ZNF608: variants seen among roughly 807,000 people sequenced by gnomAD.
ZNF608 encodes renal carcinoma antigen NY-REN-36.
ZNF608 carries 12 observed loss-of-function variants against 109.0 expected under a neutral mutation model. The ratio of observed to expected loss-of-function variants is 0.11; its 90% CI spans 0.07 to 0.18. ZNF608 has a LOEUF of 0.18. Ranked by LOEUF, ZNF608 falls within the 10% of genes least tolerant of loss-of-function variation. The probability of loss-of-function intolerance (pLI) is 1.00; values close to 1 mark genes in which losing one functional copy is unlikely to be tolerated. For synonymous variants in ZNF608, 732 were observed against 717.4 expected, an observed-to-expected ratio of 1.02 and a Z score of -0.33; for missense variants, 1,707 against 1,879.3, an observed-to-expected ratio of 0.91 and a Z score of 1.70.
chr5:124,666,913 A>G (rs1751503606), intron 3 of ZNF608, among the ~76,000 whole-genome samples: 1 of 152,224 alleles, frequency 6.6e-6, no homozygotes, highest in South Asian at 2.1e-4. Context: ...AACACAAAAT[A>G]ATGAAAAAAT....
rs903113490 is a variant in ZNF608, at chr5:124,637,891, C to T, written c.*9G>A. On this transcript the variant is annotated 3_prime_UTR_variant, in exon 10 of 10. Transcript: ENST00000513986. ...TCCAGTCACATGACAATGTACATGT[C>T]CAATCTTGTTATTCTCTGCAAAAGA... is the stretch of plus-strand genomic sequence containing the variant. 5 of 1,611,244 alleles carry T rather than the reference C, an allele frequency of 3.1e-6. No individual in the cohort carries two copies. Among genetic ancestry groups the T allele is most frequent in the African/African-American group, 2.7e-5 (2 of 74,756 alleles).
In ZNF608 at chr5:124,639,354, G is replaced by T. The variant is rs1750132489; in HGVS notation, c.4451-140C>A. 5.8e-6 allele frequency: 4 copies of T among 691,388 alleles called. No individual in the cohort carries two copies. The Admixed American group carries it at 7.1e-5, about 12-fold the overall frequency. The allele number at this position is 691,388 out of a possible 1,614,324, so 42.8% of individuals were successfully genotyped here. ...ACACATGAACTGTTTCATGCAGCAA[G>T]GACACAGTACAAACCATTTGGTCTA... On this transcript the variant is annotated intron_variant, in intron 8 of 9. Coordinates refer to ENST00000513986, the MANE Select transcript of ZNF608 (RefSeq NM_020747.3).
At chr5:124,667,205 G>T (rs1251355973) in intron 3 of ZNF608, among the ~76,000 whole-genome samples, 1 of 152,178 alleles carries the variant, frequency 6.6e-6, no homozygotes, top group Non-Finnish European at 1.5e-5. Flanking sequence ...TTACATTAAA[G>T]AAATAAAGTT....
intron 3 of ZNF608, among the ~76,000 whole-genome samples, chr5:124,694,730 C>A (rs1752775419): frequency 6.7e-6 from 1 of 150,302 alleles, no homozygotes; most frequent in Admixed American, 6.7e-5. Context: ...CCTCCCCCAC[C>A]CCATGACAGG....
At chr5:124,698,216 G>A (rs1752924396) in intron 3 of ZNF608, among the ~76,000 whole-genome samples, 1 of 152,104 alleles carries the variant, frequency 6.6e-6, no homozygotes, top group South Asian at 2.1e-4. Flanking sequence ...TCTCCCAAAA[G>A]GAAAAAATTA....
intron 3 of ZNF608, among the ~76,000 whole-genome samples, chr5:124,669,024 C>G (rs1374603367): frequency 6.6e-6 from 1 of 152,068 alleles, no homozygotes; most frequent in Non-Finnish European, 1.5e-5. Context: ...CAGAAGACTA[C>G]CTATTGCAAA....
At chr5:124,723,893 A>G (rs1754035389) in intron 2 of ZNF608, among the ~76,000 whole-genome samples, 1 of 152,196 alleles carries the variant, frequency 6.6e-6, no homozygotes, top group Non-Finnish European at 1.5e-5. Context: ...CCAACAACTC[A>G]CTAGATAATC....
chr5:124,640,383 A>G (rs1202666999), intron 8 of ZNF608, among the ~76,000 whole-genome samples: 1 of 152,214 alleles, frequency 6.6e-6, no homozygotes, highest in East Asian at 1.9e-4. Context: ...ATAAGAAAGC[A>G]CACGAGGGCT....
intron 3 of ZNF608, among the ~76,000 whole-genome samples, chr5:124,670,020 T>C (rs1005947958): frequency 1.3e-5 from 2 of 152,212 alleles, no homozygotes; most frequent in East Asian, 3.8e-4. Flanking sequence ...CCTTTAGAAG[T>C]CACTAAGGAG....
intron 3 of ZNF608, among the ~76,000 whole-genome samples, chr5:124,690,407 T>C (rs963994513): frequency 3.3e-5 from 5 of 152,164 alleles, no homozygotes; most frequent in Non-Finnish European, 1.5e-5. Context: ...GATTCACCAA[T>C]TGTAACACAT....
At chr5:124,690,446 T>C (rs1341690432) in intron 3 of ZNF608, among the ~76,000 whole-genome samples, 2 of 152,226 alleles carry the variant, frequency 1.3e-5, no homozygotes, top group Admixed American at 1.3e-4. Context: ...ATGTTGATAA[T>C]GGATACGCTA....
chr5:124,695,288 C>T (rs1264452442), intron 3 of ZNF608, among the ~76,000 whole-genome samples: 1 of 152,094 alleles, frequency 6.6e-6, no homozygotes, highest in Non-Finnish European at 1.5e-5. Flanking sequence ...AGTACTGTAC[C>T]AACTCCATGC....
Position 124,644,247 on chromosome 5 carries a change from G to C in ZNF608, c.4120C>G (p.Pro1374Ala), listed in dbSNP as rs780616717. The C allele has an allele frequency of 1.2e-6, 2 of 1,605,452 alleles. No homozygotes were observed. Among genetic ancestry groups the C allele is most frequent in the Admixed American group, 1.7e-5 (1 of 59,894 alleles). ...AVSPVLMHSY[P>A]GAYLSPGFHY... The stretch of plus-strand genomic sequence containing the variant: ...AGTCAGAACCGACAACACGTACCAG[G>C]ATAACTGTGCATTAGGACGGGAGAA... The change falls in exon 6 of 10, where the codon CCT (proline) becomes GCT (alanine). Residue 1374 changes from proline (P) to alanine (A), a missense_variant. By Grantham distance (27) the Pro-to-Ala change is conservative. Transcript: ENST00000513986.
intron 3 of ZNF608, among the ~76,000 whole-genome samples, chr5:124,679,062 A>T (rs1327241569): frequency 6.6e-6 from 1 of 152,218 alleles, no homozygotes; most frequent in Non-Finnish European, 1.5e-5. Flanking sequence ...AAAACAAATT[A>T]GCAGCTTTGC....
At chr5:124,719,297 T>C (rs111906845) in intron 2 of ZNF608, among the ~76,000 whole-genome samples, 1 of 152,148 alleles carries the variant, frequency 6.6e-6, no homozygotes, top group Non-Finnish European at 1.5e-5. Context: ...CCAGTGAGGA[T>C]TGCTATATTT....
At chr5:124,730,967 T>C (rs552522374) in intron 2 of ZNF608, among the ~76,000 whole-genome samples, 2 of 152,328 alleles carry the variant, frequency 1.3e-5, no homozygotes, top group South Asian at 4.2e-4. Context: ...ATTAAAACTG[T>C]AGAGCAATTT....
At chr5:124,655,355 T>C (rs891924856) in intron 3 of ZNF608, among the ~76,000 whole-genome samples, 1 of 152,234 alleles carries the variant, frequency 6.6e-6, no homozygotes, top group East Asian at 1.9e-4. Context: ...TCAGAGTCTT[T>C]AAAGTGCCTC....
chr5:124,648,715 G>T lies in ZNF608; in HGVS notation c.1669C>A (p.His557Asn), dbSNP rs1293513930. ...TTGTACTTTTTGTTGCAGTTTGGGT[G>T]GGGACAGTCGATTAACACTGGAGAA... is the stretch of plus-strand genomic sequence containing the variant. ...CSSPVLIDCP[H>N]PNCNKKYKHI... Residue 557 changes from histidine (H) to asparagine (N), a missense_variant, in exon 5 of 10, where the codon CAC becomes AAC. By Grantham distance (68) the His-to-Asn change is moderately conservative. Transcript: ENST00000513986. 1 of 1,614,208 alleles carries T rather than the reference G, an allele frequency of 6.2e-7. No individual in the cohort carries two copies. Among genetic ancestry groups the T allele is most frequent in the Non-Finnish European group, 8.5e-7 (1 of 1,180,032 alleles).
chr5:124,641,397 T>C lies in ZNF608; in HGVS notation c.4305A>G (p.Glu1435=). ...CCCGTTCCCGCTCAGCTGTAGCCTT[T>C]TCCACAGGCTGCAACAGAAAAGAGA... is the stretch of plus-strand genomic sequence containing the variant. ...QYRSKSPAPV[E]KATAEREREA... The change falls in exon 8 of 10, where the codon GAA becomes GAG. Residue 1435 remains glutamate (E), a synonymous_variant. Transcript: ENST00000513986. The C allele has an allele frequency of 1.9e-6, 3 of 1,609,244 alleles. 1 individual carries two copies. In the South Asian group the frequency reaches 3.3e-5, roughly 18 times the overall value.
Sources: gnomAD v4.1 joint callset for allele counts (sites outside exome capture counted in the v4.1 genomes callset) on GRCh38, gnomAD v4.1.1 for gene constraint, MANE v1.5 for transcripts, NCBI Gene and HGNC (gene_info 2026-07-23, HGNC 2026-07-21) for gene names.